MTSS1: variants seen among roughly 807,000 people sequenced by gnomAD.
MTSS1 encodes the protein protein MTSS 1.
MTSS1 carries 18 observed loss-of-function variants against 79.0 expected under a neutral mutation model. The observed-to-expected ratio is 0.23, with a 90% CI of 0.16 to 0.34. MTSS1 has a LOEUF of 0.34. MTSS1 is among the 10% of genes least tolerant of loss of function. The pLI is 1.00. For missense variants in MTSS1, 815 were observed against 986.2 expected, an observed-to-expected ratio of 0.83 and a Z score of 2.33; for synonymous variants, 341 against 368.6, an observed-to-expected ratio of 0.93 and a Z score of 0.86.
At chr8:124,664,038 C>T (rs1004016611) in intron 3 of MTSS1, among the ~76,000 whole-genome samples, 8 of 152,142 alleles carry the variant, frequency 5.3e-5, no homozygotes, top group African/African-American at 1.9e-4. Context: ...TAACCTGTGC[C>T]CAGGTCGGTG....
intron 3 of MTSS1, among the ~76,000 whole-genome samples, chr8:124,631,329 C>T (rs2133812533): frequency 1.3e-5 from 2 of 152,344 alleles, no homozygotes; most frequent in Middle Eastern, 6.8e-3. Flanking sequence ...ACTTCCAGAG[C>T]CAGCAAACAC....
At chr8:124,671,643 G>T (rs1373795977) in intron 3 of MTSS1, among the ~76,000 whole-genome samples, 1 of 152,178 alleles carries the variant, frequency 6.6e-6, no homozygotes, top group Non-Finnish European at 1.5e-5. Flanking sequence ...AGGATTCATG[G>T]CAACAGCAAA....
intron 3 of MTSS1, among the ~76,000 whole-genome samples, chr8:124,602,053 C>T (rs1339486383): frequency 1.3e-5 from 2 of 151,352 alleles, no homozygotes; most frequent in Non-Finnish European, 2.9e-5. Context: ...CCAAAGATTT[C>T]GACCAGGTGT....
intron 3 of MTSS1, among the ~76,000 whole-genome samples, chr8:124,638,394 A>C (rs1817417437): frequency 6.6e-6 from 1 of 152,244 alleles, no homozygotes; most frequent in Admixed American, 6.5e-5. Flanking sequence ...CTTAGAGTTT[A>C]GTAATGTTGA....
In MTSS1 at chr8:124,568,460, T is replaced by C. The variant is rs772637114; in HGVS notation, c.537A>G (p.Thr179=). ...VNDKYLLLEE[T]EKQAVRKALI... The stretch of plus-strand genomic sequence containing the variant: ...AAGCCTTCCGGACAGCCTGCTTTTC[T>C]GTTTCTTCCAATAAGAGATACTTAT... The change falls in exon 7 of 14, where the codon ACA becomes ACG. Residue 179 remains threonine (T), a synonymous_variant. Coordinates refer to ENST00000518547, the MANE Select transcript of MTSS1 (RefSeq NM_014751.6). The C allele has an allele frequency of 6.2e-7, 1 of 1,614,238 alleles. No homozygotes were observed. Among genetic ancestry groups the C allele is most frequent in the Admixed American group, 1.7e-5 (1 of 60,026 alleles).
intron 3 of MTSS1, among the ~76,000 whole-genome samples, chr8:124,644,831 A>G (rs1408237472): frequency 6.6e-6 from 1 of 152,052 alleles, no homozygotes; most frequent in East Asian, 1.9e-4. Flanking sequence ...ATGATTCAGT[A>G]TAAGAGGGCT....
intron 3 of MTSS1, among the ~76,000 whole-genome samples, chr8:124,622,590 T>G (rs1587366993): frequency 6.6e-6 from 1 of 150,418 alleles, no homozygotes; most frequent in Admixed American, 6.6e-5. Flanking sequence ...AGGTCAGGAG[T>G]TCGAGACCAG....
intron 3 of MTSS1, among the ~76,000 whole-genome samples, chr8:124,651,401 T>C (rs1441640677): frequency 6.6e-6 from 1 of 151,898 alleles, no homozygotes; most frequent in Non-Finnish European, 1.5e-5. Flanking sequence ...ATATAAATTG[T>C]ATTTTACTGC....
intron 5 of MTSS1, among the ~76,000 whole-genome samples, chr8:124,587,624 G>A (rs1234583980): frequency 1.3e-5 from 2 of 152,102 alleles, no homozygotes; most frequent in African/African-American, 2.4e-5. Flanking sequence ...TCAGCCTCCC[G>A]AGTAGCTGGG....
intron 3 of MTSS1, among the ~76,000 whole-genome samples, chr8:124,623,626 T>G (rs1223621148): frequency 2.6e-5 from 4 of 151,756 alleles, no homozygotes; most frequent in Non-Finnish European, 4.4e-5. Flanking sequence ...CTTCTGTGTT[T>G]TTTTGTTTGT....
At chr8:124,569,816 A>T (rs1408707492) in intron 6 of MTSS1, among the ~76,000 whole-genome samples, 2 of 152,216 alleles carry the variant, frequency 1.3e-5, no homozygotes, top group African/African-American at 4.8e-5. Context: ...CAAGTCCTAG[A>T]GAAGTCAAGG....
At chr8:124,712,314 T>C (rs1831289221) in intron 1 of MTSS1, among the ~76,000 whole-genome samples, 1 of 152,160 alleles carries the variant, frequency 6.6e-6, no homozygotes, top group African/African-American at 2.4e-5. Context: ...AACAGCATCC[T>C]TCCTCTTCTT....
intron 1 of MTSS1, among the ~76,000 whole-genome samples, chr8:124,709,270 C>A (rs944447385): frequency 2.6e-5 from 4 of 152,166 alleles, no homozygotes; most frequent in Non-Finnish European, 5.9e-5. Flanking sequence ...TTGGTTTTTG[C>A]ATCTGCATCC....
At chr8:124,605,719 A>G (rs1376887892) in intron 3 of MTSS1, among the ~76,000 whole-genome samples, 1 of 152,080 alleles carries the variant, frequency 6.6e-6, no homozygotes, top group African/African-American at 2.4e-5. Context: ...GGTTTCATGC[A>G]TGTGTCACTG....
At chr8:124,651,187 C>T (rs964419712) in intron 3 of MTSS1, among the ~76,000 whole-genome samples, 3 of 152,160 alleles carry the variant, frequency 2.0e-5, no homozygotes, top group African/African-American at 7.2e-5. Flanking sequence ...AAATTATGAC[C>T]TAAGAAAGGC....
Position 124,567,699 on chromosome 8 carries a change from C to T in MTSS1, c.619-521G>A, listed in dbSNP as rs1375997123. On this transcript the variant is annotated intron_variant, in intron 7 of 13. Coordinates refer to ENST00000518547, the MANE Select transcript of MTSS1 (RefSeq NM_014751.6). ...GAGCTGGGGACCATGGAAGAAACAT[C>T]CCATGTGCTTTATCGAAGTGCCAAG... The T allele has an allele frequency of 2.0e-6, 3 of 1,490,270 alleles. No individual in the cohort carries two copies. In the Admixed American group the frequency reaches 6.7e-5, roughly 33 times the overall value. The allele number at this position is 1,490,270 out of a possible 1,614,324, so 92.3% of individuals were successfully genotyped here.
At chr8:124,694,330 C>T (rs557684637) in intron 3 of MTSS1, among the ~76,000 whole-genome samples, 153 of 152,096 alleles carry the variant, frequency 1.0e-3, no homozygotes, top group Non-Finnish European at 1.9e-3. Context: ...CTCTCATTTT[C>T]ATCTGCCTCT....
chr8:124,585,175 G>C lies in MTSS1; in HGVS notation c.386-14C>G, dbSNP rs2132531723. 2 of 1,597,254 alleles carry C rather than the reference G, an allele frequency of 1.3e-6. No individual in the cohort carries two copies. Among genetic ancestry groups the C allele is most frequent in the Admixed American group, 1.7e-5 (1 of 58,860 alleles). Reference sequence around the variant, plus strand: ...CTTTCTTATATTCTAAGAGAAAGCAGAATATGGAACAATTTTACCACTTTG... The same window carrying C: ...CTTTCTTATATTCTAAGAGAAAGCACAATATGGAACAATTTTACCACTTTG... On this transcript the variant is annotated splice_polypyrimidine_tract_variant and intron_variant, in intron 5 of 13. Coordinates refer to ENST00000518547, the MANE Select transcript of MTSS1 (RefSeq NM_014751.6).
intron 7 of MTSS1, chr8:124,567,947 G>T (rs1563766147): frequency 1.4e-6 from 2 of 1,394,410 alleles, no homozygotes; most frequent in Non-Finnish European, 9.3e-7. Context: ...TCATCTCATG[G>T]TCACCCCTTA....
Sources: allele counts gnomAD v4.1 joint callset (sites outside exome capture counted in the v4.1 genomes callset), GRCh38; gene constraint gnomAD v4.1.1; transcripts MANE v1.5; gene names NCBI Gene and HGNC (gene_info 2026-07-23, HGNC 2026-07-21).